The following PTPRE variants were observed in gnomAD, a reference collection of about 807,000 sequenced individuals.
PTPRE encodes protein tyrosine phosphatase receptor type E.
In PTPRE, 51 loss-of-function variants were observed where a neutral mutation model predicts 102.0. The ratio of observed to expected loss-of-function variants is 0.50; its 90% CI spans 0.40 to 0.63. The LOEUF (loss-of-function observed/expected upper bound fraction) is 0.63, where lower values mean the gene tolerates loss of function less well. PTPRE is among the 30% of genes least tolerant of loss of function. The pLI, the probability that PTPRE is intolerant of heterozygous loss-of-function variation, is 0.00. For synonymous variants in PTPRE, 345 were observed against 348.2 expected (o/e 0.99, Z 0.10); for missense variants, 752 against 915.1 (o/e 0.82, Z 2.30).
intron 1 of PTPRE, among the ~76,000 whole-genome samples, chr10:127,918,284 T>G (rs1166801064): frequency 1.3e-5 from 2 of 151,968 alleles, no homozygotes; most frequent in Non-Finnish European, 2.9e-5. Context: ...ATCGGCCTGG[T>G]GCAGTGGCTC....
intron 1 of PTPRE, among the ~76,000 whole-genome samples, chr10:127,924,148 C>T (rs892939951): frequency 1.3e-5 from 2 of 152,118 alleles, no homozygotes; most frequent in African/African-American, 2.4e-5. Context: ...AGTTTGTGCT[C>T]GAAATAGGGA....
At position 127,907,232 on chromosome 10, in the gene PTPRE, A is replaced by G. The variant is rs1845533547; in HGVS notation, c.-108A>G. 3 of 983,214 alleles carry G rather than the reference A, an allele frequency of 3.1e-6. No homozygotes were observed. The highest frequency in any genetic ancestry group is 3.5e-5 in the African/African-American group (2 of 56,990). 60.9% of individuals were successfully genotyped at this position (983,214 alleles called of 1,614,324 possible). ...CGGCGAAGACAGCCGGGCGCCCCGG[A>G]GGGCGGCGGGCAGGCGCCCGGGAGA... On this transcript the variant is annotated 5_prime_UTR_variant, in exon 1 of 21. Transcript: ENST00000254667. The surrounding 1 kb of genome is among the most constrained non-coding windows in gnomAD (Gnocchi z 4.8).
At chr10:127,968,410 C>A (rs1850433115) in intron 1 of PTPRE, among the ~76,000 whole-genome samples, 1 of 152,170 alleles carries the variant, frequency 6.6e-6, no homozygotes, top group African/African-American at 2.4e-5. Context: ...TAGATCACTG[C>A]CTTCCAGCCC....
At chr10:128,072,609 A>G (rs951710321) in intron 16 of PTPRE, 1 of 151,358 alleles carries the variant, frequency 6.6e-6, no homozygotes, top group African/African-American at 2.6e-5. Context: ...CTGAGATTAC[A>G]CCACTGTACT....
At chr10:127,938,653 T>C (rs1848002247) in intron 1 of PTPRE, among the ~76,000 whole-genome samples, 1 of 152,232 alleles carries the variant, frequency 6.6e-6, no homozygotes, top group South Asian at 2.1e-4. Context: ...TTTTTATAGC[T>C]TTAAGGCATA....
intron 1 of PTPRE, among the ~76,000 whole-genome samples, chr10:127,920,601 G>A (rs751801951): frequency 3.9e-5 from 6 of 152,268 alleles, no homozygotes; most frequent in Admixed American, 2.0e-4. Flanking sequence ...TTCTTCTTTC[G>A]TGGACTTCCC....
At chr10:127,937,589 TGGC>T (rs1446284032) in intron 1 of PTPRE, among the ~76,000 whole-genome samples, 8 of 152,218 alleles carry the variant, frequency 5.3e-5, no homozygotes, top group Admixed American at 5.2e-4. Context: ...CTGGGCGTGG[TGGC>T]TCATGCCTGT....
rs927786216 is a variant in PTPRE at position 128,008,071 on chromosome 10, T to C, written c.-8+25775T>C. On this transcript the variant is annotated intron_variant, in intron 2 of 20. Coordinates refer to ENST00000254667, the MANE Select transcript of PTPRE (RefSeq NM_006504.6). The surrounding 1 kb of genome is among the most constrained non-coding windows in gnomAD (Gnocchi z 4.0). ...GTCAGCTTCCTCCAGGAAGAAGGCA[T>C]CTCTCACCACTGGGGAGGCACAGGA... Among the ~76,000 whole-genome samples the C allele has an allele frequency of 6.6e-6, 1 of 152,128 alleles. No homozygotes were observed. The highest frequency in any genetic ancestry group is 2.4e-5 in the African/African-American group (1 of 41,418).
In PTPRE at chr10:128,070,084, G is replaced by A. The variant is rs774791191; in HGVS notation, c.1144-217G>A. ...ACGGTGCATGTACACAGTGCGTGGC[G>A]TGCTCACCAATGTGAGGCTCTGCTG... On this transcript the variant is annotated intron_variant, in intron 13 of 20. Transcript: ENST00000254667. The surrounding 1 kb of genome is among the most constrained non-coding windows in gnomAD (Gnocchi z 4.8). 2.5e-5 allele frequency: 17 copies of A among 689,010 alleles called. No homozygotes were observed. Among genetic ancestry groups the A allele is most frequent in the Non-Finnish European group, 3.1e-5 (13 of 416,952 alleles). 42.7% of individuals were successfully genotyped at this position (689,010 alleles called of 1,614,324 possible). A position where few individuals can be genotyped will look rare whatever the true frequency, so the allele number is the denominator to read the frequency against.
intron 2 of PTPRE, among the ~76,000 whole-genome samples, chr10:127,991,360 C>T (rs768716694): frequency 5.9e-5 from 9 of 152,120 alleles, no homozygotes; most frequent in Non-Finnish European, 1.0e-4. Context: ...GTATATTTTC[C>T]GCCTGCTGAG....
At chr10:128,033,359 C>T (rs4478902) in intron 2 of PTPRE, among the ~76,000 whole-genome samples, 86,543 of 152,040 alleles carry the variant, frequency 0.57, 24,738 homozygotes, top group East Asian at 0.62. Flanking sequence ...ATCAGTGTCA[C>T]TTTCAAGCAG....
chr10:127,964,109 G>T (rs898775515), intron 1 of PTPRE, among the ~76,000 whole-genome samples: 4 of 152,106 alleles, frequency 2.6e-5, no homozygotes, highest in Non-Finnish European at 5.9e-5. Flanking sequence ...CAGCATAACT[G>T]CAGTCCGTCG....
chr10:127,974,149 G>A (rs942731398), intron 1 of PTPRE, among the ~76,000 whole-genome samples: 5 of 152,312 alleles, frequency 3.3e-5, no homozygotes, highest in African/African-American at 1.2e-4. Context: ...CAAAGCCAAA[G>A]GTCTCTGCAG....
intron 1 of PTPRE, among the ~76,000 whole-genome samples, chr10:127,950,707 A>C (rs984305956): frequency 1.3e-5 from 2 of 152,232 alleles, no homozygotes; most frequent in Non-Finnish European, 2.9e-5. Flanking sequence ...GGCAAGGTGG[A>C]TGTAGTTACT....
intron 2 of PTPRE, among the ~76,000 whole-genome samples, chr10:127,989,213 A>G (rs1784208647): frequency 6.6e-6 from 1 of 151,994 alleles, no homozygotes; most frequent in African/African-American, 2.4e-5. Flanking sequence ...TACATATTAT[A>G]TATTTAAAGC....
At chr10:128,061,773 C>T in intron 9 of PTPRE, 58 bp downstream of exon 9, 1 of 1,545,428 alleles carries the variant, frequency 6.5e-7, no homozygotes, top group African/African-American at 1.4e-5. Context: ...CTCTTATTTC[C>T]TTCTCTGTAT....
intron 1 of PTPRE, among the ~76,000 whole-genome samples, chr10:127,929,188 G>A (rs754515920): frequency 2.6e-5 from 4 of 152,084 alleles, no homozygotes; most frequent in Admixed American, 1.3e-4. Flanking sequence ...AAAATTAGGG[G>A]GTACTTTGCA....
intron 2 of PTPRE, among the ~76,000 whole-genome samples, chr10:127,984,006 C>T (rs1411758674): frequency 3.3e-5 from 5 of 151,926 alleles, no homozygotes; most frequent in African/African-American, 1.2e-4. Context: ...GGGTAGTTGG[C>T]GGCCAGAGCC....
intron 2 of PTPRE, among the ~76,000 whole-genome samples, chr10:128,009,673 G>A (rs1222594337): frequency 6.6e-6 from 1 of 152,200 alleles, no homozygotes; most frequent in Non-Finnish European, 1.5e-5. Context: ...TCTTTGCAGT[G>A]CGTGTGCTGC....
Sources: allele counts gnomAD v4.1 joint callset (sites outside exome capture counted in the v4.1 genomes callset), GRCh38; gene constraint gnomAD v4.1.1; non-coding constraint Gnocchi (gnomAD v3.1); transcripts MANE v1.5; gene names NCBI Gene and HGNC (gene_info 2026-07-23, HGNC 2026-07-21).